Variants in C11orf91 observed in about 807,000 individuals in gnomAD.
C11orf91 encodes uncharacterized protein C11orf91.
A neutral mutation model predicts 14.3 loss-of-function variants in C11orf91; 10 were observed. That is an observed-to-expected ratio of 0.70 (90% CI 0.43 to 1.18). The LOEUF is 1.18. C11orf91 is among the 50% of genes most tolerant of loss of function. The pLI is 0.00. For synonymous variants in C11orf91, 141 were observed against 130.6 expected (o/e 1.08, Z -0.54); for missense variants, 236 against 269.0 (o/e 0.88, Z 0.86).
chr11:33,700,585 G>C lies in C11orf91; in HGVS notation c.156C>G (p.Gly52=). The C allele has an allele frequency of 7.0e-7, 1 of 1,431,320 alleles. No homozygotes were observed. Among genetic ancestry groups the C allele is most frequent in the South Asian group, 1.4e-5 (1 of 73,746 alleles). The allele number at this position is 1,431,320 out of a possible 1,614,324, so 88.7% of individuals were successfully genotyped here. Residue 52 remains glycine, a synonymous_variant, in exon 1 of 2, where the codon GGC becomes GGG. Coordinates refer to ENST00000379011, the MANE Select transcript of C11orf91 (RefSeq NM_001166692.2). ...CCGCCGCCCCGCCCACTGGCGCCCCGCCCGCCTTCAGCGGCACGAAGAGCT... is the reference window on the plus strand; with the variant it reads ...CCGCCGCCCCGCCCACTGGCGCCCCCCCCGCCTTCAGCGGCACGAAGAGCT... ...WKKLFVPLKA[G]GAPVGGAAGA...
At chr11:33,698,991 G>T (rs764848241) in intron 1 of C11orf91, among the ~76,000 whole-genome samples, 1 of 151,852 alleles carries the variant, frequency 6.6e-6, no homozygotes, top group Non-Finnish European at 1.5e-5. Flanking sequence ...TGTTGGTCAG[G>T]CTGGTCCTCA....
upstream of C11orf91, among the ~76,000 whole-genome samples, chr11:33,702,381 T>C (rs1297319558): frequency 1.3e-5 from 2 of 152,070 alleles, no homozygotes; most frequent in Non-Finnish European, 2.9e-5. Context: ...CCAAGGAGGC[T>C]GAGGTTGAGG....
At chr11:33,699,039 A>G (rs1193934753) in intron 1 of C11orf91, among the ~76,000 whole-genome samples, 1 of 152,040 alleles carries the variant, frequency 6.6e-6, no homozygotes, top group East Asian at 1.9e-4. Flanking sequence ...ACCTCAAATG[A>G]TCCACCCGCA....
chr11:33,701,230 A>C (rs1853121812), upstream of C11orf91, among the ~76,000 whole-genome samples: 1 of 152,258 alleles, frequency 6.6e-6, no homozygotes, highest in Non-Finnish European at 1.5e-5. Flanking sequence ...ACAGCAAAGA[A>C]GTCTGAGAAA....
chr11:33,703,491 T>C (rs1189143290), upstream of C11orf91: 1 of 152,208 alleles, frequency 6.6e-6, no homozygotes, highest in African/African-American at 2.4e-5. Context: ...TACCATCCTG[T>C]TGGAGCTTCC....
Position 33,700,412 on chromosome 11 carries a change from T to G in C11orf91, c.329A>C (p.Tyr110Ser). 6.6e-7 allele frequency: 1 copy of G among 1,523,362 alleles called. No homozygotes were observed. The highest frequency in any genetic ancestry group is 1.9e-4 in the Middle Eastern group (1 of 5,290). 94.4% of individuals were successfully genotyped at this position (1,523,362 alleles called of 1,614,324 possible). Residue 110 changes from tyrosine to serine, a missense_variant, in exon 1 of 2, where the codon TAC (tyrosine) becomes TCC (serine). Physicochemically the swap from Tyr to Ser is moderately radical, Grantham distance 144. Transcript: ENST00000379011. Reference protein sequence around the residue: ...SIPYEPLRFFYSPPPGPEVVA... With the variant: ...SIPYEPLRFFSSPPPGPEVVA... ...CACCTCAGGCCCCGGCGGCGGTGAG[T>G]AGAAGAAGCGCAGAGGCTCGTAGGG...
chr11:33,698,287 G>A lies in C11orf91; in HGVS notation c.*142C>T. 1.6e-6 allele frequency: 1 copy of A among 632,080 alleles called. No individual in the cohort carries two copies. Among genetic ancestry groups the A allele is most frequent in the Non-Finnish European group, 2.8e-6 (1 of 354,644 alleles). The allele number at this position is 632,080 out of a possible 1,614,324, so 39.2% of individuals were successfully genotyped here. On this transcript the variant is annotated 3_prime_UTR_variant, in exon 2 of 2. Coordinates refer to ENST00000379011, the MANE Select transcript of C11orf91 (RefSeq NM_001166692.2). ...TTACCACACAAAGTGGGCACTGTAT[G>A]TGAAGTACATGCTGGTAGCAACAAG...
chr11:33,699,096 C>T (rs987800081), intron 1 of C11orf91, among the ~76,000 whole-genome samples: 2 of 152,062 alleles, frequency 1.3e-5, no homozygotes, highest in Admixed American at 6.6e-5. Flanking sequence ...CCACCACACC[C>T]GGCCCCTGGA....
In C11orf91 at chr11:33,698,401, G is replaced by A. The variant is rs762847183; in HGVS notation, c.*28C>T. ...TCTAAGCACTAACACCTAAGGAGGT[G>A]GCTGCCCAAGCTCTGGTAGGCAGCT... On this transcript the variant is annotated 3_prime_UTR_variant, in exon 2 of 2. Coordinates refer to ENST00000379011, the MANE Select transcript of C11orf91 (RefSeq NM_001166692.2). 3.0e-5 allele frequency: 42 copies of A among 1,384,674 alleles called. 1 individual carries two copies. Among genetic ancestry groups the A allele is most frequent in the Middle Eastern group, 1.8e-4 (1 of 5,694 alleles). The allele number at this position is 1,384,674 out of a possible 1,614,324, so 85.8% of individuals were successfully genotyped here.
chr11:33,700,489 G>A lies in C11orf91; in HGVS notation c.252C>T (p.Pro84=), dbSNP rs1590497488. The A allele has an allele frequency of 7.2e-7, 1 of 1,390,124 alleles. No individual in the cohort carries two copies. Among genetic ancestry groups the A allele is most frequent in the Non-Finnish European group, 9.2e-7 (1 of 1,082,182 alleles). 86.1% of individuals were successfully genotyped at this position (1,390,124 alleles called of 1,614,324 possible). ...PPPPPPPGLG[P]SSERPWPSPW... ...GCGAGGGCCAGGGGCGCTCGCTGGAGGGACCCAGGCCGGGTGGTGGCGGGG... is the reference window on the plus strand; with the variant it reads ...GCGAGGGCCAGGGGCGCTCGCTGGAAGGACCCAGGCCGGGTGGTGGCGGGG... The change falls in exon 1 of 2, where the codon CCC becomes CCT. Residue 84 remains proline (P), a synonymous_variant. Coordinates refer to ENST00000379011, the MANE Select transcript of C11orf91 (RefSeq NM_001166692.2).
chr11:33,701,012 G>A (rs1412499189), upstream of C11orf91, among the ~76,000 whole-genome samples: 3 of 152,126 alleles, frequency 2.0e-5, no homozygotes, highest in Non-Finnish European at 4.4e-5. Context: ...CCTCGACTCC[G>A]CCCACCGCCT....
chr11:33,704,998 C>G (rs12364970), upstream of C11orf91: 34,634 of 152,132 alleles, frequency 0.23, 4,679 homozygotes, highest in Middle Eastern at 0.32. Flanking sequence ...TGCAGAGCAG[C>G]CTTTATTCTT....
rs181771728 is a variant in C11orf91 at position 33,698,452 on chromosome 11, T to C, written c.559A>G (p.Lys187Glu). The change falls in exon 2 of 2, where the codon AAG (lysine) becomes GAG (glutamate). Residue 187 changes from lysine (K) to glutamate (E), a missense_variant. Physicochemically the swap from Lys to Glu is moderately conservative, Grantham distance 56. Coordinates refer to ENST00000379011, the MANE Select transcript of C11orf91 (RefSeq NM_001166692.2). ...CCTCAGGAGAGAGAGGCCGACTTCTTTCCAGGTTGCTTGGTCTTCAGTCCT... is the reference window on the plus strand; with the variant it reads ...CCTCAGGAGAGAGAGGCCGACTTCTCTCCAGGTTGCTTGGTCTTCAGTCCT... ...LQGLKTKQPG[K>E]KSASLS The C allele has an allele frequency of 1.3e-6, 2 of 1,537,478 alleles. No homozygotes were observed. The highest frequency in any genetic ancestry group is 2.0e-5 in the Admixed American group (1 of 51,010).
chr11:33,706,030 C>G, the C11orf91 span: 1 of 151,972 alleles, frequency 6.6e-6, no homozygotes, highest in Non-Finnish European at 1.5e-5. Flanking sequence ...CTAGGGAAAC[C>G]GATCACAGAA....
upstream of C11orf91, chr11:33,700,939 G>T: frequency 2.7e-6 from 1 of 375,006 alleles, no homozygotes; most frequent in Non-Finnish European, 4.5e-6. Flanking sequence ...CGCCCACCTC[G>T]GCTGGCCGCA....
At chr11:33,706,531 G>A in the C11orf91 span, 5 of 143,020 alleles carry the variant, frequency 3.5e-5, no homozygotes, top group Non-Finnish European at 7.5e-5. Flanking sequence ...GACATAGAAA[G>A]TGAAAGTTCA....
chr11:33,700,174 G>A lies in C11orf91; in HGVS notation c.496+71C>T. On this transcript the variant is annotated intron_variant, in intron 1 of 1. Transcript: ENST00000379011. ...GTCAAACCAGGCTACATTTCGGGTC[G>A]GGGCACGGAGCCAAGGAGGGAGCTA... is the stretch of plus-strand genomic sequence containing the variant. 6 of 1,451,638 alleles carry A rather than the reference G, an allele frequency of 4.1e-6. No individual in the cohort carries two copies. In the South Asian group the frequency reaches 5.4e-5, roughly 13 times the overall value. 89.9% of individuals were successfully genotyped at this position (1,451,638 alleles called of 1,614,324 possible).
chr11:33,699,628 C>T (rs571361667), intron 1 of C11orf91: 3 of 455,826 alleles, frequency 6.6e-6, no homozygotes, highest in African/African-American at 2.0e-5. Context: ...AGACTTCAGA[C>T]GTAAGACCAG....
At chr11:33,699,037 T>C (rs1018214660) in intron 1 of C11orf91, among the ~76,000 whole-genome samples, 2 of 152,086 alleles carry the variant, frequency 1.3e-5, no homozygotes, top group East Asian at 3.9e-4. Flanking sequence ...TGACCTCAAA[T>C]GATCCACCCG....
Sources: allele counts gnomAD v4.1 joint callset (sites outside exome capture counted in the v4.1 genomes callset), GRCh38; gene constraint gnomAD v4.1.1; transcripts MANE v1.5; gene names NCBI Gene and HGNC (gene_info 2026-07-23, HGNC 2026-07-21).